Variants in USP35 observed in about 807,000 individuals in gnomAD.
USP35 encodes the protein ubiquitin carboxyl-terminal hydrolase 35.
USP35 carries 69 observed loss-of-function variants against 83.8 expected under a neutral mutation model. That is an observed-to-expected ratio of 0.82 (90% confidence interval 0.68 to 1.01). USP35 has a LOEUF of 1.01. Among genes scored for constraint, USP35 ranks in the 50% least tolerant of loss-of-function variants. The probability of loss-of-function intolerance (pLI) is 0.00; values close to 1 mark genes in which losing one functional copy is unlikely to be tolerated. For synonymous variants in USP35, 714 were observed against 589.5 expected (o/e 1.21, Z -3.06); for missense variants, 1,503 against 1,362.5 (o/e 1.10, Z -1.62).
chr11:78,200,312 T>G, intron 5 of USP35, 78 bp downstream of exon 5: 1 of 1,505,318 alleles, frequency 6.6e-7, no homozygotes, highest in Admixed American at 1.7e-5. Context: ...CTGCCCCTGG[T>G]AAGGGCCCTG....
intron 6 of USP35, among the ~76,000 whole-genome samples, chr11:78,201,061 G>C (rs1283539098): frequency 6.6e-6 from 1 of 152,206 alleles, no homozygotes; most frequent in Non-Finnish European, 1.5e-5. Context: ...ACGCTTCTCT[G>C]TCAGTGTAGT....
At chr11:78,234,954 G>A in the USP35 span, among the ~76,000 whole-genome samples, 911 of 152,004 alleles carry the variant, frequency 6.0e-3, 24 homozygotes, top group East Asian at 0.047. Context: ...AGGTTGCAAT[G>A]AGCTGAGATC....
Position 78,214,779 on chromosome 11 carries a change from C to CAGGACTCAG in USP35, c.*967_*975dup. On this transcript the variant is annotated 3_prime_UTR_variant, in exon 11 of 11. Coordinates refer to ENST00000529308, the MANE Select transcript of USP35 (RefSeq NM_020798.4). Reference sequence around the variant, plus strand: ...TTTTGCTCACGGGGTCTGGGGAGGCCAGGACTCAGCCTGCCCCCCAGTGAC... The same window carrying CAGGACTCAG: ...TTTTGCTCACGGGGTCTGGGGAGGCCAGGACTCAGAGGACTCAGCCTGCCCCCCAGTGAC... 6.6e-6 allele frequency: 1 copy of CAGGACTCAG among 152,316 alleles called. No homozygotes were observed. The highest frequency in any genetic ancestry group is 2.1e-4 in the South Asian group (1 of 4,826). The allele number at this position is 152,316 out of a possible 1,614,324, so 9.4% of individuals were successfully genotyped here. A position where few individuals can be genotyped will look rare whatever the true frequency, so the allele number is the denominator to read the frequency against.
In USP35 at chr11:78,188,984, G is replaced by C; in HGVS notation, c.-184G>C. 1.0e-6 allele frequency: 1 copy of C among 981,770 alleles called. No homozygotes were observed. The highest frequency in any genetic ancestry group is 1.2e-6 in the Non-Finnish European group (1 of 826,506). 60.8% of individuals were successfully genotyped at this position (981,770 alleles called of 1,614,324 possible). A position where few individuals can be genotyped will look rare whatever the true frequency, so the allele number is the denominator to read the frequency against. On this transcript the variant is annotated 5_prime_UTR_variant, in exon 1 of 11. Coordinates refer to ENST00000529308, the MANE Select transcript of USP35 (RefSeq NM_020798.4). ...ATAGAGGCTTGTGCCAGGCGGGGTG[G>C]GAAGACTGGATTTTGCAGTGGAAGC...
At chr11:78,222,330 C>A in the USP35 span, 1 of 644,868 alleles carries the variant, frequency 1.6e-6, no homozygotes, top group Non-Finnish European at 2.9e-6. Flanking sequence ...AACTGACGCT[C>A]AGCGAGGTTG....
chr11:78,199,816 C>T, intron 4 of USP35, 92 bp downstream of exon 4: 2 of 1,586,306 alleles, frequency 1.3e-6, no homozygotes, highest in African/African-American at 1.3e-5. Context: ...AGCATTGGGC[C>T]TACCCACCAA....
In USP35 at chr11:78,207,550, G is replaced by A. The variant is rs144391110; in HGVS notation, c.1412G>A (p.Arg471His). Residue 471 changes from arginine (R) to histidine (H), a missense_variant, in exon 8 of 11, where the codon CGC becomes CAC. Arg to His is a conservative substitution (Grantham distance 29). Coordinates refer to ENST00000529308, the MANE Select transcript of USP35 (RefSeq NM_020798.4). ...TGAAGCTTCAGACATTGTGTGCTCC[G>A]CTTGACTGAGAACAACTCACAGCCC... ...MASDFRHCVL[R>H]LTENNSQPLM... The A allele has an allele frequency of 8.1e-6, 13 of 1,614,104 alleles. No homozygotes were observed. Among genetic ancestry groups the A allele is most frequent in the Middle Eastern group, 1.6e-4 (1 of 6,062 alleles).
chr11:78,214,523 T>TCCTTGTGAAGTGTG lies in USP35; in HGVS notation c.*711_*724dup, dbSNP rs1864005451. 1 of 152,220 alleles carries TCCTTGTGAAGTGTG rather than the reference T, an allele frequency of 6.6e-6. No individual in the cohort carries two copies. The highest frequency in any genetic ancestry group is 6.5e-5 in the Admixed American group (1 of 15,284). The allele number at this position is 152,220 out of a possible 1,614,324, so 9.4% of individuals were successfully genotyped here. ...GATTTTACTGCAAAGGTGTTCATGT[T>TCCTTGTGAAGTGTG]CCTTGTGAAGTGTGGGCTCTTAGGA... is the stretch of plus-strand genomic sequence containing the variant. On this transcript the variant is annotated 3_prime_UTR_variant, in exon 11 of 11. Coordinates refer to ENST00000529308, the MANE Select transcript of USP35 (RefSeq NM_020798.4).
chr11:78,202,816 G>A (rs1863397275), intron 6 of USP35, among the ~76,000 whole-genome samples: 1 of 152,192 alleles, frequency 6.6e-6, no homozygotes, highest in Admixed American at 6.5e-5. Flanking sequence ...CGAAAGGGAG[G>A]TAGGAGGAAA....
intron 8 of USP35, 45 bp from the exon 9 acceptor site, chr11:78,208,812 G>C: frequency 6.2e-7 from 1 of 1,605,922 alleles, no homozygotes; most frequent in Non-Finnish European, 8.5e-7. Context: ...TGGCTGGTGA[G>C]TGGCCTCCTG....
intron 10 of USP35, among the ~76,000 whole-genome samples, chr11:78,213,074 T>TACA (rs1863858911): frequency 6.6e-6 from 1 of 152,136 alleles, no homozygotes; most frequent in Non-Finnish European, 1.5e-5. Context: ...ATACAGCAAC[T>TACA]GGTGTGGGGA....
At chr11:78,199,983 C>G in intron 4 of USP35, 150 bp from the exon 5 acceptor site, 1 of 919,368 alleles carries the variant, frequency 1.1e-6, no homozygotes, top group African/African-American at 1.6e-5. Context: ...CACCATCTGT[C>G]TGTCCATCTG....
In USP35 at chr11:78,200,681, C is replaced by G; in HGVS notation, c.1070C>G (p.Ser357Cys). The change falls in exon 6 of 11, where the codon TCT becomes TGT. Residue 357 changes from serine to cysteine, a missense_variant. By Grantham distance (112) the Ser-to-Cys change is moderately radical. Transcript: ENST00000529308. ...CCTCACATCCCCCCCATGGTGGCCT[C>G]TCTGGTCAAGGAGGACTCGAACTCG... ...LLPHIPPMVASLVKEDSNSGT... is the reference protein window; with the variant it reads ...LLPHIPPMVACLVKEDSNSGT... 2 of 1,613,478 alleles carry G rather than the reference C, an allele frequency of 1.2e-6. No individual in the cohort carries two copies. Among genetic ancestry groups the G allele is most frequent in the Non-Finnish European group, 8.5e-7 (1 of 1,179,612 alleles).
downstream of USP35, chr11:78,218,373 C>G (rs895468840): frequency 6.5e-6 from 1 of 152,780 alleles, no homozygotes; most frequent in Non-Finnish European, 1.5e-5. Context: ...CCAAGCCTTC[C>G]CCTGTATGCT....
intron 10 of USP35, among the ~76,000 whole-genome samples, chr11:78,212,392 C>T (rs1044221261): frequency 1.3e-5 from 2 of 152,164 alleles, no homozygotes; most frequent in East Asian, 3.8e-4. Flanking sequence ...CACTTTTGTT[C>T]TTTTTGCTTA....
chr11:78,235,273 C>G, the USP35 span, among the ~76,000 whole-genome samples: 1 of 152,044 alleles, frequency 6.6e-6, no homozygotes, highest in Non-Finnish European at 1.5e-5. Context: ...CTGCCTCAGT[C>G]TCCCGAGTAG....
At position 78,213,796 on chromosome 11, in the gene USP35, C is replaced by T. The variant is rs1231963300; in HGVS notation, c.3040C>T (p.His1014Tyr). 6 of 1,554,118 alleles carry T rather than the reference C, an allele frequency of 3.9e-6. No individual in the cohort carries two copies. The highest frequency in any genetic ancestry group is 5.1e-5 in the East Asian group (2 of 39,554). ...NPAGGNGGDF[H>Y]RLVF ...TGCAGGTGGCAATGGTGGTGACTTC[C>T]ACAGACTGGTCTTCTAATGTGAACC... The change falls in exon 11 of 11, where the codon CAC becomes TAC. Residue 1014 changes from histidine to tyrosine, a missense_variant. His to Tyr is a moderately conservative substitution (Grantham distance 83). Coordinates refer to ENST00000529308, the MANE Select transcript of USP35 (RefSeq NM_020798.4).
rs1863679306 is a variant in USP35, at chr11:78,209,892, G to A, written c.2037G>A (p.Arg679=). ...GQSSQEERIE[R]EEEGKEERTE... is the part of the protein sequence containing the mutation. ...GCAGTCAGGAGGAAAGGATAGAGAG[G>A]GAGGAAGAAGGGAAGGAGGAGAGAA... is the stretch of plus-strand genomic sequence containing the variant. The change falls in exon 10 of 11, where the codon AGG becomes AGA. Residue 679 remains arginine, a synonymous_variant. Coordinates refer to ENST00000529308, the MANE Select transcript of USP35 (RefSeq NM_020798.4). 6.2e-7 allele frequency: 1 copy of A among 1,603,178 alleles called. No homozygotes were observed. The highest frequency in any genetic ancestry group is 1.7e-5 in the Admixed American group (1 of 57,876).
chr11:78,219,401 G>C, downstream of USP35: 3 of 1,613,804 alleles, frequency 1.9e-6, no homozygotes, highest in Non-Finnish European at 2.5e-6. Flanking sequence ...CAGAGGTGAC[G>C]GATGAAGTAG....
Sources: gnomAD v4.1 joint callset for allele counts (sites outside exome capture counted in the v4.1 genomes callset) on GRCh38, gnomAD v4.1.1 for gene constraint, MANE v1.5 for transcripts, NCBI Gene and HGNC (gene_info 2026-07-23, HGNC 2026-07-21) for gene names.